Variants in PADI2 observed in about 807,000 individuals in gnomAD.
The protein encoded by PADI2 is protein-arginine deiminase type-2.
A neutral mutation model predicts 81.1 loss-of-function variants in PADI2; 70 were observed. That is an observed-to-expected ratio of 0.86 (90% confidence interval 0.71 to 1.05). PADI2 has a LOEUF of 1.05. PADI2 is among the 50% of genes least tolerant of loss of function. PADI2 has a pLI of 0.00. For synonymous variants in PADI2, 338 were observed against 358.0 expected (o/e 0.94, Z 0.63); for missense variants, 853 against 889.9 (o/e 0.96, Z 0.53).
intron 6 of PADI2, among the ~76,000 whole-genome samples, chr1:17,088,042 C>T (rs1443605249): frequency 6.6e-6 from 1 of 152,122 alleles, no homozygotes; most frequent in East Asian, 1.9e-4. Context: ...GCCTCTGTAA[C>T]AGCAGTGCTC....
intron 1 of PADI2, among the ~76,000 whole-genome samples, chr1:17,108,291 T>C (rs1384390525): frequency 6.6e-6 from 1 of 152,100 alleles, no homozygotes; most frequent in African/African-American, 2.4e-5. Context: ...ACAAAAGCCC[T>C]GGACTAAGGG....
Position 17,079,257 on chromosome 1 carries a change from C to A in PADI2, c.1310+7G>T, listed in dbSNP as rs369988153. The A allele has an allele frequency of 1.2e-6, 2 of 1,612,350 alleles. No homozygotes were observed. The highest frequency in any genetic ancestry group is 1.1e-5 in the South Asian group (1 of 90,968). Reference sequence around the variant, plus strand: ...ACAGCCCCTAGCCCCAGCCTGGCTTCTCTTACAGAGGAAAGCTGCTCCCGA... The same window carrying A: ...ACAGCCCCTAGCCCCAGCCTGGCTTATCTTACAGAGGAAAGCTGCTCCCGA... On this transcript the variant is annotated splice_region_variant and intron_variant, in intron 11 of 15. Transcript: ENST00000375486.
rs1217484961 is a variant in PADI2 at position 17,104,431 on chromosome 1, C to CTT, written c.276+445_276+446dup. The stretch of plus-strand genomic sequence containing the variant: ...TTTCACCTGTTTCTTTTTGCCTTTT[C>CTT]TTTTTTTTTTTTTTTTTTTTTGAGA... On this transcript the variant is annotated intron_variant, in intron 2 of 15. Transcript: ENST00000375486. 2.1e-4 allele frequency among the ~76,000 whole-genome samples: 17 copies of CTT among 79,810 alleles called. 1 individual carries two copies. Among genetic ancestry groups the CTT allele is most frequent in the Non-Finnish European group, 2.4e-4 (11 of 45,406 alleles). The allele number at this position is 79,810 out of a possible 152,430, so 52.4% of individuals were successfully genotyped here.
At chr1:17,073,376 C>T (rs1231297239) in intron 13 of PADI2, among the ~76,000 whole-genome samples, 7 of 145,662 alleles carry the variant, frequency 4.8e-5, no homozygotes, top group African/African-American at 1.8e-4. Context: ...GAGATGGCAC[C>T]ACTGCACTCC....
intron 3 of PADI2, among the ~76,000 whole-genome samples, chr1:17,098,787 T>C (rs1263319233): frequency 6.6e-6 from 1 of 152,216 alleles, no homozygotes; most frequent in African/African-American, 2.4e-5. Flanking sequence ...CCTGTAGTCA[T>C]GCCCATGGGA....
intron 9 of PADI2, chr1:17,083,491 T>A: frequency 2.0e-6 from 1 of 494,944 alleles, no homozygotes; most frequent in South Asian, 3.1e-5. Flanking sequence ...GGGAAGGCCG[T>A]TACTCAGTCC....
intron 3 of PADI2, among the ~76,000 whole-genome samples, chr1:17,098,373 C>T (rs1385394950): frequency 6.6e-6 from 1 of 152,164 alleles, no homozygotes; most frequent in Non-Finnish European, 1.5e-5. Flanking sequence ...GCAGTGGGGC[C>T]GTGGGCTAGG....
intron 1 of PADI2, among the ~76,000 whole-genome samples, chr1:17,116,500 T>C (rs1454678847): frequency 6.6e-6 from 1 of 152,120 alleles, no homozygotes; most frequent in Non-Finnish European, 1.5e-5. Flanking sequence ...AGCAAAGGAC[T>C]CAGGGAAGAG....
intron 11 of PADI2, among the ~76,000 whole-genome samples, chr1:17,077,861 C>T (rs943613459): frequency 5.9e-5 from 9 of 152,178 alleles, no homozygotes; most frequent in Admixed American, 2.6e-4. Context: ...CTTTCCCCAG[C>T]GACTGCCCTG....
At chr1:17,109,296 G>C (rs1030440346) in intron 1 of PADI2, among the ~76,000 whole-genome samples, 2 of 148,192 alleles carry the variant, frequency 1.3e-5, no homozygotes, top group African/African-American at 5.0e-5. Flanking sequence ...GCTGAGGCAG[G>C]AGAATCACTT....
At chr1:17,086,726 C>T (rs1218238222) in intron 6 of PADI2, 27 bp from the exon 7 acceptor site, 2 of 1,600,388 alleles carry the variant, frequency 1.2e-6, no homozygotes, top group Non-Finnish European at 1.7e-6. Flanking sequence ...CAACGTCAGA[C>T]TCCCACCCGC....
intron 14 of PADI2, 98 bp downstream of exon 14, chr1:17,071,308 G>T: frequency 1.2e-6 from 1 of 848,516 alleles, no homozygotes; most frequent in Non-Finnish European, 2.0e-6. Context: ...GAGCTCCTGA[G>T]CCCTTGGCCA....
intron 6 of PADI2, among the ~76,000 whole-genome samples, chr1:17,089,141 CAG>C (rs1457736261): frequency 6.6e-6 from 1 of 152,048 alleles, no homozygotes; most frequent in African/African-American, 2.4e-5. Flanking sequence ...AGTTTCCAAA[CAG>C]AAGGCAGGGA....
chr1:17,099,655 G>A (rs1931071014), intron 3 of PADI2, among the ~76,000 whole-genome samples: 11 of 152,156 alleles, frequency 7.2e-5, no homozygotes, highest in Admixed American at 6.5e-4. Flanking sequence ...AAGGAAGAAG[G>A]AGAGACCATA....
Position 17,104,920 on chromosome 1 carries a change from C to A in PADI2, c.234G>T (p.Arg78=), listed in dbSNP as rs1461531155. 6.2e-7 allele frequency: 1 copy of A among 1,601,116 alleles called. No homozygotes were observed. Among genetic ancestry groups the A allele is most frequent in the South Asian group, 1.1e-5 (1 of 90,692 alleles). The change falls in exon 2 of 16, where the codon CGG becomes CGT. Residue 78 remains arginine (R), a synonymous_variant. Coordinates refer to ENST00000375486, the MANE Select transcript of PADI2 (RefSeq NM_007365.3). ...CGGTGCTCGCCTGGCTCATGGTGAC[C>A]CGCAGGGTGGTGCTGGGCGAGAGAA... ...RWLLSPSTTL[R]VTMSQASTEA... is the part of the protein sequence containing the mutation.
intron 1 of PADI2, among the ~76,000 whole-genome samples, chr1:17,117,845 G>A (rs914582934): frequency 1.3e-5 from 2 of 152,218 alleles, no homozygotes; most frequent in African/African-American, 4.8e-5. Flanking sequence ...CCAGTTCAGG[G>A]CTGGGGGTGG....
At chr1:17,098,265 A>G (rs897023974) in intron 3 of PADI2, among the ~76,000 whole-genome samples, 1 of 152,126 alleles carries the variant, frequency 6.6e-6, no homozygotes, top group African/African-American at 2.4e-5. Flanking sequence ...TCATTCCCAG[A>G]GGAAGTGCCC....
rs569402738 is a variant in PADI2, at chr1:17,074,307, G to T, written c.1549+549C>A. On this transcript the variant is annotated intron_variant, in intron 13 of 15. Transcript: ENST00000375486. ...CTTGGGAGGCTGAGGCAGGAGAATC[G>T]CTTGAACCTGGGAGGCGGAGGTTGT... Among the ~76,000 whole-genome samples, 7 of 150,856 alleles carry T rather than the reference G, an allele frequency of 4.6e-5. No individual in the cohort carries two copies. In the South Asian group the frequency reaches 1.3e-3, roughly 27 times the overall value.
chr1:17,079,241 A>T, intron 11 of PADI2, 23 bp downstream of exon 11: 1 of 1,607,784 alleles, frequency 6.2e-7, no homozygotes. Flanking sequence ...CACAGCCCCT[A>T]GCCCCAGCCT....
Sources: allele counts gnomAD v4.1 joint callset (sites outside exome capture counted in the v4.1 genomes callset), GRCh38; gene constraint gnomAD v4.1.1; transcripts MANE v1.5; gene names NCBI Gene and HGNC (gene_info 2026-07-23, HGNC 2026-07-21).